The following GRID2 variants were observed in gnomAD, a reference collection of about 807,000 sequenced individuals.
The protein encoded by GRID2 is glutamate ionotropic receptor delta type subunit 2, also known as glutamate receptor ionotropic, delta-2.
In GRID2, 33 loss-of-function variants were observed where a neutral mutation model predicts 114.8. That is an observed-to-expected ratio of 0.29 (90% CI 0.22 to 0.38). The LOEUF (loss-of-function observed/expected upper bound fraction) is 0.38, where lower values mean the gene tolerates loss of function less well. GRID2 is among the 10% of genes least tolerant of loss of function. The probability of loss-of-function intolerance (pLI) is 1.00; values close to 1 mark genes in which losing one functional copy is unlikely to be tolerated. For synonymous variants in GRID2, 505 were observed against 449.9 expected (o/e 1.12, Z -1.55); for missense variants, 1,184 against 1,257.7 (o/e 0.94, Z 0.89).
At chr4:92,546,401 A>C (rs17019538) in intron 1 of GRID2, among the ~76,000 whole-genome samples, 33,676 of 152,102 alleles carry the variant, frequency 0.22, 4,639 homozygotes, top group African/African-American at 0.39. Flanking sequence ...AGAGAAAAGC[A>C]ACGGCCCATA....
Position 93,626,282 on chromosome 4 carries a change from A to G in GRID2, c.2207A>G (p.Asn736Ser), listed in dbSNP as rs1199891165. ...QAGIQKVKYG[N>S]YAFVWDAAVL... ...ATTTTTTCACAGGTAAAATATGGAAATTATGCTTTCGTATGGGATGCAGCT... is the reference window on the plus strand; with the variant it reads ...ATTTTTTCACAGGTAAAATATGGAAGTTATGCTTTCGTATGGGATGCAGCT... The change falls in exon 14 of 16, where the codon AAT becomes AGT. Residue 736 changes from asparagine to serine, a missense_variant. Physicochemically the swap from Asn to Ser is conservative, Grantham distance 46 (BLOSUM62 1). This residue lies in a region of GRID2 where 717 missense variants were observed against 796.9 expected (regional missense o/e 0.90). Transcript: ENST00000282020. The G allele has an allele frequency of 1.3e-6, 2 of 1,592,488 alleles. No individual in the cohort carries two copies. The highest frequency in any genetic ancestry group is 2.3e-5 in the South Asian group (2 of 87,930).
chr4:92,843,982 C>T (rs189784864), intron 2 of GRID2, among the ~76,000 whole-genome samples: 8 of 152,112 alleles, frequency 5.3e-5, no homozygotes, highest in Admixed American at 5.2e-4. Flanking sequence ...CTTGAAAATG[C>T]TGACGTAGTT....
intron 2 of GRID2, among the ~76,000 whole-genome samples, chr4:92,636,561 T>C (rs1731076064): frequency 6.6e-6 from 1 of 152,058 alleles, no homozygotes; most frequent in African/African-American, 2.4e-5. Context: ...GGGGACAGTG[T>C]GGGAAAGAGA....
intron 1 of GRID2, among the ~76,000 whole-genome samples, chr4:92,523,234 CATT>C (rs757899834): frequency 6.6e-6 from 1 of 151,870 alleles, no homozygotes; most frequent in Non-Finnish European, 1.5e-5. Flanking sequence ...ATGTAAATGT[CATT>C]ATCTGAAATC....
chr4:92,949,316 CT>C (rs1313657943), intron 2 of GRID2, among the ~76,000 whole-genome samples: 1 of 151,770 alleles, frequency 6.6e-6, no homozygotes, highest in African/African-American at 2.4e-5. Flanking sequence ...AGGGCATAGT[CT>C]TTTTTTATTA....
Position 93,339,948 on chromosome 4 carries a change from C to T in GRID2, c.1246-55659C>T, listed in dbSNP as rs145458431. Among the ~76,000 whole-genome samples, 506 of 152,184 alleles carry T rather than the reference C, an allele frequency of 3.3e-3. 4 individuals are homozygous for T. Among genetic ancestry groups the T allele is most frequent in the African/African-American group, 0.012 (480 of 41,514 alleles). Reference sequence around the variant, plus strand: ...ATCACAAGAAGAGCATTGGGGAAACCGCCCCCATGATTCAGTTACCTCCAC... The same window carrying T: ...ATCACAAGAAGAGCATTGGGGAAACTGCCCCCATGATTCAGTTACCTCCAC... On this transcript the variant is annotated intron_variant, in intron 8 of 15. Coordinates refer to ENST00000282020, the MANE Select transcript of GRID2 (RefSeq NM_001510.4).
intron 1 of GRID2, among the ~76,000 whole-genome samples, chr4:92,380,449 A>C (rs1159183445): frequency 3.9e-5 from 6 of 151,984 alleles, no homozygotes; most frequent in African/African-American, 1.4e-4. Flanking sequence ...AAATGATATC[A>C]GGTATTTATA....
At chr4:93,668,997 AG>A (rs1724178543) in intron 14 of GRID2, among the ~76,000 whole-genome samples, 1 of 152,056 alleles carries the variant, frequency 6.6e-6, no homozygotes, top group African/African-American at 2.4e-5. Flanking sequence ...GTTTTATAGT[AG>A]GTACAAAATA....
chr4:92,757,362 G>T (rs1389164740), intron 2 of GRID2, among the ~76,000 whole-genome samples: 1 of 152,084 alleles, frequency 6.6e-6, no homozygotes, highest in African/African-American at 2.4e-5. Context: ...GGTAAAAAGG[G>T]ATTCAAAATT....
chr4:93,801,438 A>T (rs1398014556), intron 1 of GRID2, among the ~76,000 whole-genome samples: 1 of 152,002 alleles, frequency 6.6e-6, no homozygotes, highest in African/African-American at 2.4e-5. Context: ...CATAGTCCTG[A>T]AAGATTTGTC....
intron 2 of GRID2, chr4:92,822,162 C>T: frequency 2.7e-6 from 1 of 376,914 alleles, no homozygotes; most frequent in East Asian, 7.1e-5. Flanking sequence ...GATCTTGATG[C>T]TGAGGCCTGT....
intron 2 of GRID2, among the ~76,000 whole-genome samples, chr4:93,067,714 C>T (rs1336467226): frequency 3.3e-5 from 5 of 151,846 alleles, no homozygotes; most frequent in Admixed American, 3.3e-4. Flanking sequence ...TCAAGAGCCA[C>T]CTTATTATTT....
intron 13 of GRID2, among the ~76,000 whole-genome samples, chr4:93,595,132 C>T (rs1738941646): frequency 6.6e-6 from 1 of 152,180 alleles, no homozygotes; most frequent in South Asian, 2.1e-4. Flanking sequence ...ACAATGGTGA[C>T]CTCCAGGCCT....
intron 2 of GRID2, among the ~76,000 whole-genome samples, chr4:92,756,069 T>C (rs759376024): frequency 4.6e-5 from 7 of 152,104 alleles, no homozygotes; most frequent in Non-Finnish European, 1.0e-4. Flanking sequence ...TCCTTGTTCC[T>C]TCCAAACTCT....
chr4:93,164,942 C>T (rs1330181953), intron 4 of GRID2: 2 of 221,790 alleles, frequency 9.0e-6, no homozygotes, highest in African/African-American at 4.5e-5. Flanking sequence ...CGTAAGAGTT[C>T]AGAGTATGAG....
intron 11 of GRID2, among the ~76,000 whole-genome samples, chr4:93,469,740 A>G (rs1162288443): frequency 1.3e-5 from 2 of 152,066 alleles, no homozygotes; most frequent in African/African-American, 4.8e-5. Context: ...CCTCCAGAAA[A>G]CCTTCCTTTG....
intron 13 of GRID2, among the ~76,000 whole-genome samples, chr4:93,552,821 C>A: frequency 1.1e-5 from 1 of 88,866 alleles, no homozygotes; most frequent in South Asian, 4.0e-4. Flanking sequence ...GTGTGATGTT[C>A]CCCTCCCTGT....
intron 2 of GRID2, among the ~76,000 whole-genome samples, chr4:92,751,940 T>C (rs953821282): frequency 3.9e-5 from 6 of 152,186 alleles, no homozygotes; most frequent in Admixed American, 1.3e-4. Flanking sequence ...GTTTGGATGA[T>C]GGCCAGATGA....
chr4:93,356,718 A>T (rs1209659739), intron 8 of GRID2, among the ~76,000 whole-genome samples: 1 of 151,916 alleles, frequency 6.6e-6, no homozygotes, highest in Non-Finnish European at 1.5e-5. Flanking sequence ...AAAAAGTTGT[A>T]CAAGAAAGAC....
Sources: gnomAD v4.1 joint callset for allele counts (sites outside exome capture counted in the v4.1 genomes callset) on GRCh38, gnomAD v4.1.1 for gene constraint, gnomAD v4.1.1 regional missense constraint, MANE v1.5 for transcripts, NCBI Gene and HGNC (gene_info 2026-07-23, HGNC 2026-07-21) for gene names.